PITPNM3: variants seen among roughly 807,000 people sequenced by gnomAD.
PITPNM3 encodes membrane-associated phosphatidylinositol transfer protein 3.
In PITPNM3, 26 loss-of-function variants were observed where a neutral mutation model predicts 102.0. That is an observed-to-expected ratio of 0.25 (90% CI 0.19 to 0.35). The LOEUF (loss-of-function observed/expected upper bound fraction) is 0.35, where lower values mean the gene tolerates loss of function less well. Among genes scored for constraint, PITPNM3 ranks in the 10% least tolerant of loss-of-function variants. PITPNM3 has a pLI of 1.00. For missense variants in PITPNM3, 1,083 were observed against 1,346.1 expected, an observed-to-expected ratio of 0.80 and a Z score of 3.06; for synonymous variants, 578 against 558.6, an observed-to-expected ratio of 1.03 and a Z score of -0.49.
At chr17:6,516,017 C>G (rs1382970501) in intron 3 of PITPNM3, among the ~76,000 whole-genome samples, 1 of 152,070 alleles carries the variant, frequency 6.6e-6, no homozygotes, top group Non-Finnish European at 1.5e-5. Context: ...CCTGTCTCTA[C>G]AAAAAATTAG....
At chr17:6,545,004 AG>A (rs1256013981) in intron 1 of PITPNM3, among the ~76,000 whole-genome samples, 2 of 152,178 alleles carry the variant, frequency 1.3e-5, no homozygotes, top group Non-Finnish European at 2.9e-5. Context: ...GCGGACAGGC[AG>A]GTGACTGTCA....
intron 8 of PITPNM3, among the ~76,000 whole-genome samples, chr17:6,477,500 C>A (rs1209653324): frequency 1.3e-5 from 2 of 152,198 alleles, no homozygotes; most frequent in Non-Finnish European, 2.9e-5. Flanking sequence ...TCATAATAAT[C>A]CCCTGCTACT....
In PITPNM3 at chr17:6,525,390, C is replaced by G; in HGVS notation, c.192G>C (p.Gln64His). Residue 64 changes from glutamine to histidine, a missense_variant, in exon 3 of 20, where the codon CAG becomes CAC. Physicochemically the swap from Gln to His is conservative, Grantham distance 24. This residue lies in a region of PITPNM3 where 290 missense variants were observed against 337.8 expected (regional missense o/e 0.86). Transcript: ENST00000262483. ...CGTCCAGTTTCCCCATGGTCTCGATCTGCTCCACGAGGTCATTGGAGTTCC... is the reference window on the plus strand; with the variant it reads ...CGTCCAGTTTCCCCATGGTCTCGATGTGCTCCACGAGGTCATTGGAGTTCC... ...SQWNSNDLVE[Q>H]IETMGKLDEH... The G allele has an allele frequency of 6.2e-7, 1 of 1,614,230 alleles. No homozygotes were observed. Among genetic ancestry groups the G allele is most frequent in the Non-Finnish European group, 8.5e-7 (1 of 1,180,040 alleles).
chr17:6,556,254 A>C lies in PITPNM3; in HGVS notation c.22+131T>G, dbSNP rs2150689999. 3.0e-6 allele frequency: 2 copies of C among 660,700 alleles called. No homozygotes were observed. Among genetic ancestry groups the C allele is most frequent in the Non-Finnish European group, 4.3e-6 (2 of 469,836 alleles). 40.9% of individuals were successfully genotyped at this position (660,700 alleles called of 1,614,324 possible). A position where few individuals can be genotyped will look rare whatever the true frequency, so the allele number is the denominator to read the frequency against. On this transcript the variant is annotated intron_variant, in intron 1 of 19. Coordinates refer to ENST00000262483, the MANE Select transcript of PITPNM3 (RefSeq NM_031220.4). The surrounding 1 kb of genome is among the most constrained non-coding windows in gnomAD (Gnocchi z 5.2). ...CACGCGCGGGAGGTCCAGCCCCGCT[A>C]CCGCCCCCTACGCCCTCCCGGGACC...
chr17:6,553,615 G>A (rs1174673574), intron 1 of PITPNM3, among the ~76,000 whole-genome samples: 2 of 152,162 alleles, frequency 1.3e-5, no homozygotes, highest in Non-Finnish European at 2.9e-5. Context: ...TTTTCTCTCC[G>A]TGGGTGATCT....
At chr17:6,485,224 T>A (rs1433779941) in intron 4 of PITPNM3, among the ~76,000 whole-genome samples, 1 of 151,142 alleles carries the variant, frequency 6.6e-6, no homozygotes, top group African/African-American at 2.4e-5. Flanking sequence ...AATGGTGCAA[T>A]CTCGGCTCAC....
chr17:6,513,588 A>T (rs1319194921), intron 3 of PITPNM3, among the ~76,000 whole-genome samples: 1 of 152,256 alleles, frequency 6.6e-6, no homozygotes, highest in East Asian at 1.9e-4. Context: ...AATAAAGTTA[A>T]CAAAACAGGT....
At chr17:6,512,547 CT>C (rs759246175) in intron 3 of PITPNM3, among the ~76,000 whole-genome samples, 6 of 152,258 alleles carry the variant, frequency 3.9e-5, no homozygotes, top group Non-Finnish European at 2.9e-5. Context: ...CAGAGTTTGG[CT>C]GATTCAGTAG....
chr17:6,479,949 T>C (rs1425266419), intron 6 of PITPNM3: 2 of 152,152 alleles, frequency 1.3e-5, no homozygotes, highest in Admixed American at 1.3e-4. Flanking sequence ...TTCCTGGAGA[T>C]AGGGGTGACC....
At chr17:6,507,349 C>T (rs896600879) in intron 3 of PITPNM3, among the ~76,000 whole-genome samples, 1 of 152,144 alleles carries the variant, frequency 6.6e-6, no homozygotes, top group Non-Finnish European at 1.5e-5. Context: ...TTTGGGAGGC[C>T]AAGGTGGGTG....
chr17:6,507,176 G>C (rs943083765), intron 3 of PITPNM3, among the ~76,000 whole-genome samples: 2 of 152,236 alleles, frequency 1.3e-5, no homozygotes, highest in African/African-American at 4.8e-5. Context: ...GAGGGCAGGA[G>C]AGCAGCAGGC....
chr17:6,464,220 C>T lies in PITPNM3; in HGVS notation c.2106G>A (p.Pro702=), dbSNP rs199988049. ...CACCAACCCCCAGGCGCCGGGGCCG[C>T]GGCACATTGTATGTGATGCGACCAC... ...NSSGRITYNV[P]RPRRLGVGVY... The change falls in exon 16 of 20, where the codon CCG becomes CCA. Residue 702 remains proline, a synonymous_variant. Transcript: ENST00000262483. 4 of 1,614,152 alleles carry T rather than the reference C, an allele frequency of 2.5e-6. No homozygotes were observed. The highest frequency in any genetic ancestry group is 2.2e-5 in the East Asian group (1 of 44,874).
intron 2 of PITPNM3, among the ~76,000 whole-genome samples, chr17:6,531,017 G>A (rs575633800): frequency 1.5e-4 from 23 of 152,110 alleles, no homozygotes; most frequent in Non-Finnish European, 2.4e-4. Flanking sequence ...GCCAAGAATC[G>A]AGATCCTGCC....
intron 4 of PITPNM3, among the ~76,000 whole-genome samples, chr17:6,486,695 T>A (rs1906117235): frequency 6.6e-6 from 1 of 152,210 alleles, no homozygotes; most frequent in East Asian, 1.9e-4. Context: ...GCCTAATTTC[T>A]AACTTACTAA....
At chr17:6,549,092 A>T (rs1910176957) in intron 1 of PITPNM3, among the ~76,000 whole-genome samples, 1 of 151,980 alleles carries the variant, frequency 6.6e-6, no homozygotes. Flanking sequence ...GTTCACTCCA[A>T]GCTGTCCTGC....
chr17:6,467,082 A>AAAAAAAAC (rs1555551350), intron 14 of PITPNM3, among the ~76,000 whole-genome samples: 47,053 of 122,508 alleles, frequency 0.38, 9,526 homozygotes, highest in Middle Eastern at 0.6. Flanking sequence ...AAAAAAAACC[A>AAAAAAAAC]AAAAAAAAAA....
In PITPNM3 at chr17:6,470,710, C is replaced by T. The variant is rs1398328136; in HGVS notation, c.1625-302G>A. ...CCGCTCAGTGGCAGTTCCCAGTGGG[C>T]TCTGCCTGAAGTTGGCGCTGAGTCT... On this transcript the variant is annotated intron_variant, in intron 12 of 19. Coordinates refer to ENST00000262483, the MANE Select transcript of PITPNM3 (RefSeq NM_031220.4). The surrounding 1 kb of genome is among the most constrained non-coding windows in gnomAD (Gnocchi z 4.8). 6.6e-6 allele frequency among the ~76,000 whole-genome samples: 1 copy of T among 152,202 alleles called. No individual in the cohort carries two copies. Among genetic ancestry groups the T allele is most frequent in the Non-Finnish European group, 1.5e-5 (1 of 68,034 alleles).
At chr17:6,503,629 G>T in intron 3 of PITPNM3, 55 bp from the exon 4 acceptor site, 1 of 1,580,004 alleles carries the variant, frequency 6.3e-7, no homozygotes, top group Non-Finnish European at 8.6e-7. Flanking sequence ...GCCAGGCACT[G>T]TGTTTCCCAG....
intron 1 of PITPNM3, among the ~76,000 whole-genome samples, chr17:6,552,001 C>T (rs1325395790): frequency 2.0e-5 from 3 of 152,152 alleles, no homozygotes; most frequent in African/African-American, 4.8e-5. Flanking sequence ...CTACCTCTCA[C>T]GGGCCCTCAG....
Sources: allele counts gnomAD v4.1 joint callset (sites outside exome capture counted in the v4.1 genomes callset), GRCh38; gene constraint gnomAD v4.1.1; regional missense constraint gnomAD v4.1.1; non-coding constraint Gnocchi (gnomAD v3.1); transcripts MANE v1.5; gene names NCBI Gene and HGNC (gene_info 2026-07-23, HGNC 2026-07-21).